Variants in FABP6 observed in about 807,000 individuals in gnomAD.
FABP6 encodes gastrotropin.
A neutral mutation model predicts 14.9 loss-of-function variants in FABP6; 13 were observed. That is an observed-to-expected ratio of 0.87 (90% CI 0.57 to 1.39). The LOEUF (loss-of-function observed/expected upper bound fraction) is 1.39, where lower values mean the gene tolerates loss of function less well. Among genes scored for constraint, FABP6 ranks in the 40% most tolerant of loss-of-function variants. The pLI, the probability that FABP6 is intolerant of heterozygous loss-of-function variation, is 0.00. For synonymous variants in FABP6, 75 were observed against 63.6 expected (o/e 1.18, Z -0.85); for missense variants, 161 against 167.2 (o/e 0.96, Z 0.20).
At position 160,218,105 on chromosome 5, in the gene FABP6, A is replaced by C. The variant is rs369459593; in HGVS notation, c.135+4286A>C. Among the ~76,000 whole-genome samples the C allele has an allele frequency of 4.1e-4, 62 of 151,972 alleles. 1 individual carries two copies. The highest frequency in any genetic ancestry group is 1.2e-3 in the African/African-American group (51 of 41,366). On this transcript the variant is annotated intron_variant, in intron 3 of 6. Coordinates refer to the FABP6 transcript ENST00000393980. ...GGACACAGGCCACCATGCCTAGCTTAGGTTTTCTGTTTGTTTTTTTTAGGG... is the reference window on the plus strand; with the variant it reads ...GGACACAGGCCACCATGCCTAGCTTCGGTTTTCTGTTTGTTTTTTTTAGGG...
intron 2 of FABP6, chr5:160,199,221 G>A (rs1759577939): frequency 1.9e-6 from 3 of 1,549,872 alleles, no homozygotes; most frequent in Non-Finnish European, 2.7e-6. Flanking sequence ...AGGTCACAGT[G>A]GGGAGAACAC....
At chr5:160,209,043 T>G (rs1288426685) in intron 2 of FABP6, among the ~76,000 whole-genome samples, 1 of 150,580 alleles carries the variant, frequency 6.6e-6, no homozygotes. Flanking sequence ...CCCAGAGTAC[T>G]GCGATTACAG....
chr5:160,193,651 G>A (rs140939401), intron 1 of FABP6, among the ~76,000 whole-genome samples: 1,791 of 152,292 alleles, frequency 0.012, 39 homozygotes, highest in African/African-American at 0.04. Context: ...GGCCCCACCA[G>A]AGCAGCTAGA....
At chr5:160,192,349 T>C (rs1474940354) in intron 1 of FABP6, among the ~76,000 whole-genome samples, 5 of 152,014 alleles carry the variant, frequency 3.3e-5, no homozygotes, top group Non-Finnish European at 7.4e-5. Flanking sequence ...TCCCTCACCC[T>C]GTGTTCTCCT....
chr5:160,192,645 C>T (rs1000041609), intron 1 of FABP6, among the ~76,000 whole-genome samples: 2 of 152,260 alleles, frequency 1.3e-5, no homozygotes, highest in Non-Finnish European at 2.9e-5. Flanking sequence ...GACAGCAGGG[C>T]AGCCACAGAG....
At chr5:160,193,185 C>T (rs566434334) in intron 1 of FABP6, among the ~76,000 whole-genome samples, 43 of 152,168 alleles carry the variant, frequency 2.8e-4, no homozygotes, top group African/African-American at 1.0e-3. Context: ...GAGTTTCTTC[C>T]TTCTGGTGGG....
intron 2 of FABP6, among the ~76,000 whole-genome samples, chr5:160,208,765 T>C (rs1054564116): frequency 6.8e-6 from 1 of 146,572 alleles, no homozygotes; most frequent in African/African-American, 2.5e-5. Flanking sequence ...CCATTTCTTT[T>C]TTTCTTTCTT....
At chr5:160,230,139 T>C (rs1358009074) in intron 1 of FABP6, among the ~76,000 whole-genome samples, 2 of 151,594 alleles carry the variant, frequency 1.3e-5, no homozygotes, top group Non-Finnish European at 2.9e-5. Flanking sequence ...CAGCTCGACC[T>C]CCCAAAGTGC....
Position 160,197,211 on chromosome 5 carries a change from G to A in FABP6, c.-58-1838G>A, listed in dbSNP as rs1219763984. ...GGTGGGAAGAGGGGTGGGCCCAGGG[G>A]GTTCATAACCTCCCACACTGCTTCA... is the stretch of plus-strand genomic sequence containing the variant. On this transcript the variant is annotated intron_variant, in intron 1 of 6. Transcript: ENST00000393980. The A allele has an allele frequency of 3.3e-5, 5 of 152,250 alleles. No individual in the cohort carries two copies. The East Asian group carries it at 7.7e-4, about 23-fold the overall frequency. 9.4% of individuals were successfully genotyped at this position (152,250 alleles called of 1,614,324 possible).
At chr5:160,193,387 T>A (rs1759439592) in intron 1 of FABP6, among the ~76,000 whole-genome samples, 1 of 152,062 alleles carries the variant, frequency 6.6e-6, no homozygotes, top group Admixed American at 6.6e-5. Context: ...GTAGCAAGAT[T>A]TATTGCAAAG....
chr5:160,202,953 G>C (rs1366436548), intron 2 of FABP6, among the ~76,000 whole-genome samples: 2 of 151,286 alleles, frequency 1.3e-5, no homozygotes, highest in Non-Finnish European at 2.9e-5. Context: ...CCAGACTAGA[G>C]TGCAATGGCT....
chr5:160,218,863 A>T (rs575893363), intron 3 of FABP6, among the ~76,000 whole-genome samples: 1 of 149,338 alleles, frequency 6.7e-6, no homozygotes, highest in East Asian at 2.0e-4. Context: ...GACTCAAGTG[A>T]TCCTCCCACC....
chr5:160,223,936 C>T (rs949800526), intron 3 of FABP6, among the ~76,000 whole-genome samples: 4 of 134,412 alleles, frequency 3.0e-5, no homozygotes, highest in Non-Finnish European at 3.2e-5. Flanking sequence ...CCCATCTCTA[C>T]AAAAAAAAAA....
rs573988671 is a variant in FABP6 at position 160,203,343 on chromosome 5, G to A, written c.51+4186G>A. Among the ~76,000 whole-genome samples the A allele has an allele frequency of 9.2e-5, 14 of 152,268 alleles. No homozygotes were observed. The South Asian group carries it at 2.9e-3, about 32-fold the overall frequency. On this transcript the variant is annotated intron_variant, in intron 2 of 6. Coordinates refer to the FABP6 transcript ENST00000393980. ...TATCATGCTGTCTCAGGTTGACTGG[G>A]GCATTTTAGCTAGCTGCTGTGAATA...
chr5:160,214,116 TTTCTTTC>T (rs1238628590), intron 3 of FABP6, among the ~76,000 whole-genome samples: 2 of 144,222 alleles, frequency 1.4e-5, no homozygotes, highest in African/African-American at 5.3e-5. Flanking sequence ...TCTTTCTTTC[TTTCTTTC>T]TTTCTTTCTT....
At chr5:160,206,241 C>A (rs962185405) in intron 2 of FABP6, among the ~76,000 whole-genome samples, 6 of 152,078 alleles carry the variant, frequency 3.9e-5, no homozygotes, top group Non-Finnish European at 8.8e-5. Flanking sequence ...ACCAACCTGG[C>A]CAACATGGGG....
chr5:160,192,381 C>G (rs764579248), intron 1 of FABP6, among the ~76,000 whole-genome samples: 1 of 152,172 alleles, frequency 6.6e-6, no homozygotes, highest in Non-Finnish European at 1.5e-5. Flanking sequence ...TCATCCCTAT[C>G]TGACATTTTT....
At chr5:160,201,068 G>A (rs1049815587) in intron 2 of FABP6, among the ~76,000 whole-genome samples, 1 of 152,088 alleles carries the variant, frequency 6.6e-6, no homozygotes, top group African/African-American at 2.4e-5. Flanking sequence ...GAAACTAGTA[G>A]TTTTGAGTTG....
intron 2 of FABP6, among the ~76,000 whole-genome samples, chr5:160,212,875 C>A (rs1241743915): frequency 6.6e-6 from 1 of 152,208 alleles, no homozygotes; most frequent in Non-Finnish European, 1.5e-5. Flanking sequence ...CCTCGGCCTC[C>A]CAAAGTGCTA....
Sources: allele counts gnomAD v4.1 joint callset (sites outside exome capture counted in the v4.1 genomes callset), GRCh38; gene constraint gnomAD v4.1.1; transcripts MANE v1.5; gene names NCBI Gene and HGNC (gene_info 2026-07-23, HGNC 2026-07-21).